The following APBA3 variants were observed in gnomAD, a reference collection of about 807,000 sequenced individuals.
APBA3 encodes the protein amyloid beta precursor protein binding family A member 3, also known as amyloid-beta A4 precursor protein-binding family A member 3.
A neutral mutation model predicts 55.9 loss-of-function variants in APBA3; 45 were observed. That is an observed-to-expected ratio of 0.80 (90% CI 0.63 to 1.03). The LOEUF (loss-of-function observed/expected upper bound fraction) is 1.03, where lower values mean the gene tolerates loss of function less well. APBA3 is among the 50% of genes least tolerant of loss of function. APBA3 has a pLI of 0.00. For missense variants in APBA3, 865 were observed against 820.3 expected, an observed-to-expected ratio of 1.05 and a Z score of -0.67; for synonymous variants, 370 against 353.3, an observed-to-expected ratio of 1.05 and a Z score of -0.53.
In APBA3 at chr19:3,755,558, C is replaced by CTGGGG. The variant is rs1315320248; in HGVS notation, c.617-1219_617-1218insCCCCA. ...TCTGTAACCCCAGCACTTTAGGAGGCCGGGGGGGGGGGGTGGATCACCTGA... is the reference window on the plus strand; with the variant it reads ...TCTGTAACCCCAGCACTTTAGGAGGCTGGGGCGGGGGGGGGGGGTGGATCACCTGA... On this transcript the variant is annotated intron_variant, in intron 3 of 10. Coordinates refer to ENST00000316757, the MANE Select transcript of APBA3 (RefSeq NM_004886.4). 10 of 48,998 alleles carry CTGGGG rather than the reference C, an allele frequency of 2.0e-4. No individual in the cohort carries two copies. In the East Asian group the frequency reaches 6.7e-3, roughly 33 times the overall value. 3.0% of individuals were successfully genotyped at this position (48,998 alleles called of 1,614,324 possible). A position where few individuals can be genotyped will look rare whatever the true frequency, so the allele number is the denominator to read the frequency against.
chr19:3,756,801 G>A (rs1239843009), intron 3 of APBA3: 2 of 152,016 alleles, frequency 1.3e-5, no homozygotes, highest in African/African-American at 4.8e-5. Context: ...AATCACATAT[G>A]GCTCACGTTG....
rs2037128829 is a variant in APBA3 at position 3,760,226 on chromosome 19, A to G, written c.39T>C (p.Pro13=). 1 of 1,608,266 alleles carries G rather than the reference A, an allele frequency of 6.2e-7. No individual in the cohort carries two copies. The change falls in exon 2 of 11, where the codon CCT becomes CCC. Residue 13 remains proline (P), a synonymous_variant. Transcript: ENST00000316757. ...TGGGCCCCTCCAAGTCCATGGCTGG[A>G]GGCCCCGAAGGGGATCGGGAAATTG... The part of the protein sequence containing the change: ...FPTISRSPSG[P]PAMDLEGPRD...
rs1309435874 is a variant in APBA3, at chr19:3,759,797, C to A, written c.468G>T (p.Glu156Asp). 2 of 1,612,698 alleles carry A rather than the reference C, an allele frequency of 1.2e-6. No individual in the cohort carries two copies. Among genetic ancestry groups the A allele is most frequent in the South Asian group, 1.1e-5 (1 of 91,074 alleles). The change falls in exon 2 of 11, where the codon GAG (glutamate) becomes GAT (aspartate). Residue 156 changes from glutamate (E) to aspartate (D), a missense_variant. By Grantham distance (45) the Glu-to-Asp change is conservative (BLOSUM62 2). Coordinates refer to ENST00000316757, the MANE Select transcript of APBA3 (RefSeq NM_004886.4). Reference sequence around the variant, plus strand: ...TGCCCTCCTGCTCAGCAGAGGCCCCCTCCACCCATTCTGGGGAGTCAGAAT... The same window carrying A: ...TGCCCTCCTGCTCAGCAGAGGCCCCATCCACCCATTCTGGGGAGTCAGAAT... The part of the protein sequence containing the change: ...DEDSDSPEWV[E>D]GASAEQEGSR...
At chr19:3,755,563 G>GT (rs796213984) in intron 3 of APBA3, 3 of 109,174 alleles carry the variant, frequency 2.7e-5, no homozygotes, top group Non-Finnish European at 6.1e-5. Flanking sequence ...GGAGGCCGGG[G>GT]GGGGGGGGTG....
At chr19:3,753,547 G>A (rs543176882) in intron 6 of APBA3, 39 of 521,814 alleles carry the variant, frequency 7.5e-5, no homozygotes, top group Non-Finnish European at 1.2e-4. Flanking sequence ...TAGAGAGGCT[G>A]AAGTGGGAGG....
At chr19:3,758,344 G>A (rs1300454692) in intron 3 of APBA3, among the ~76,000 whole-genome samples, 2 of 151,396 alleles carry the variant, frequency 1.3e-5, no homozygotes, top group Non-Finnish European at 2.9e-5. Flanking sequence ...CCGCAGTCTC[G>A]ACCTCCTGGG....
Position 3,752,984 on chromosome 19 carries a change from G to A in APBA3, c.1018C>T (p.Leu340Phe), listed in dbSNP as rs2037029802. 1 of 1,611,560 alleles carries A rather than the reference G, an allele frequency of 6.2e-7. No homozygotes were observed. ...GCCTGGCCAATGGCCTGGGCGATGA[G>A]CTGGGCCTGCGGGGAGGAGTGGCGC... ...CHVFYAEDAQ[L>F]IAQAIGQAFA... Residue 340 changes from leucine (L) to phenylalanine (F), a missense_variant, in exon 7 of 11, where the codon CTC (leucine) becomes TTC (phenylalanine). Transcript: ENST00000316757.
chr19:3,752,384 G>T, intron 8 of APBA3, 124 bp downstream of exon 8: 1 of 892,874 alleles, frequency 1.1e-6, no homozygotes, highest in Non-Finnish European at 1.7e-6. Flanking sequence ...CAGTGGGCAG[G>T]ACTTAAAAGT....
intron 4 of APBA3, 25 bp downstream of exon 4, chr19:3,754,170 C>G (rs539290720): frequency 6.5e-7 from 1 of 1,543,376 alleles, no homozygotes; most frequent in African/African-American, 1.4e-5. Context: ...CCCGCCTGCC[C>G]GCCCGGCCCC....
Position 3,752,857 on chromosome 19 carries a change from T to A in APBA3, c.1145A>T (p.Asp382Val). The A allele has an allele frequency of 6.2e-7, 1 of 1,613,304 alleles. No homozygotes were observed. The highest frequency in any genetic ancestry group is 8.5e-7 in the Non-Finnish European group (1 of 1,179,856). Residue 382 changes from aspartate (D) to valine (V), a missense_variant, in exon 7 of 11, where the codon GAC becomes GTC. Transcript: ENST00000316757. Reference sequence around the variant, plus strand: ...GTCACTGTTGGAGAAGTGGTCCAGGTCCCCATTATGGAGGTGGCAGGCGCC... The same window carrying A: ...GTCACTGTTGGAGAAGTGGTCCAGGACCCCATTATGGAGGTGGCAGGCGCC... Reference protein sequence around the residue: ...SPGACHLHNGDLDHFSNSDNC... With the variant: ...SPGACHLHNGVLDHFSNSDNC...
At chr19:3,752,396 C>T (rs960454138) in intron 8 of APBA3, 112 bp downstream of exon 8, 9 of 1,043,550 alleles carry the variant, frequency 8.6e-6, no homozygotes, top group Admixed American at 2.8e-5. Flanking sequence ...CTTAAAAGTT[C>T]GACTTTGTCC....
In APBA3 at chr19:3,751,542, C is replaced by G. The variant is rs780600772; in HGVS notation, c.1407G>C (p.Ser469=). 29 of 1,589,780 alleles carry G rather than the reference C, an allele frequency of 1.8e-5. No individual in the cohort carries two copies. The highest frequency in any genetic ancestry group is 2.0e-5 in the Non-Finnish European group (24 of 1,171,756). ...CGATGCTGAGTGTCACCGACGTCTG[C>G]GACTTCGTCTCCTGTGGGGCGGGGG... ...ACQAAVRETK[S]QTSVTLSIVH... Residue 469 remains serine (S), a synonymous_variant, in exon 9 of 11, where the codon TCG becomes TCC. Transcript: ENST00000316757.
At chr19:3,753,309 G>A (rs2037033248) in intron 6 of APBA3, 3 of 464,812 alleles carry the variant, frequency 6.5e-6, no homozygotes, top group Admixed American at 7.5e-5. Context: ...GGACAGCCCA[G>A]GAGCGGGCAA....
intron 8 of APBA3, 115 bp from the exon 9 acceptor site, chr19:3,751,668 C>T (rs2037007680): frequency 1.6e-6 from 2 of 1,239,542 alleles, no homozygotes; most frequent in Non-Finnish European, 2.2e-6. Context: ...TCCAGGGGCT[C>T]AATTCTGGAA....
At chr19:3,761,081 G>C (rs2145728155) in intron 1 of APBA3, among the ~76,000 whole-genome samples, 1 of 152,262 alleles carries the variant, frequency 6.6e-6, no homozygotes. Context: ...CTGAGCCACA[G>C]AATGGGGAGG....
At position 3,752,990 on chromosome 19, in the gene APBA3, C is replaced by A; in HGVS notation, c.1012G>T (p.Ala338Ser). ...MLCHVFYAED[A>S]QLIAQAIGQA... is the part of the protein sequence containing the mutation. ...CCAATGGCCTGGGCGATGAGCTGGG[C>A]CTGCGGGGAGGAGTGGCGCGTCCCT... Residue 338 changes from alanine to serine, a missense_variant and splice_region_variant, in exon 7 of 11, where the codon GCC (alanine) becomes TCC (serine). Transcript: ENST00000316757. The A allele has an allele frequency of 6.2e-7, 1 of 1,611,020 alleles. No homozygotes were observed. Among genetic ancestry groups the A allele is most frequent in the Non-Finnish European group, 8.5e-7 (1 of 1,179,798 alleles).
chr19:3,759,424 C>T (rs1433914274), intron 3 of APBA3, 137 bp downstream of exon 3: 13 of 846,454 alleles, frequency 1.5e-5, no homozygotes, highest in Non-Finnish European at 2.2e-5. Context: ...CCTGGCCAGC[C>T]GGAATCTGCT....
rs1162894390 is a variant in APBA3 at position 3,760,030 on chromosome 19, C to A, written c.235G>T (p.Ala79Ser). ...GDLVGPSPGG[A>S]PCPLHIATGH... The stretch of plus-strand genomic sequence containing the variant: ...GTGGCAATGTGTAGGGGACAGGGGG[C>A]TCCACCTGGGGATGGGCCCACCAGA... Residue 79 changes from alanine to serine, a missense_variant, in exon 2 of 11, where the codon GCC becomes TCC. Physicochemically the swap from Ala to Ser is moderately conservative, Grantham distance 99. Transcript: ENST00000316757. 62 of 1,613,094 alleles carry A rather than the reference C, an allele frequency of 3.8e-5. No homozygotes were observed. In the Admixed American group the frequency reaches 1.0e-3, roughly 26 times the overall value.
At position 3,753,762 on chromosome 19, in the gene APBA3, C is replaced by T. The variant is rs774347038; in HGVS notation, c.1011+3G>A. The T allele has an allele frequency of 8.6e-6, 13 of 1,514,534 alleles. No homozygotes were observed. Among genetic ancestry groups the T allele is most frequent in the Non-Finnish European group, 1.2e-5 (13 of 1,129,112 alleles). 93.8% of individuals were successfully genotyped at this position (1,514,534 alleles called of 1,614,324 possible). A position where few individuals can be genotyped will look rare whatever the true frequency, so the allele number is the denominator to read the frequency against. On this transcript the variant is annotated splice_donor_region_variant and intron_variant, in intron 6 of 10. Transcript: ENST00000316757. ...AGGGTGGCCCCGCGCCCTGGCTGCT[C>T]ACGTCCTCCGCGTAGAATACGTGGC...
Sources: allele counts gnomAD v4.1 joint callset (sites outside exome capture counted in the v4.1 genomes callset), GRCh38; gene constraint gnomAD v4.1.1; transcripts MANE v1.5; gene names NCBI Gene and HGNC (gene_info 2026-07-23, HGNC 2026-07-21).